CNTNAP2: variants seen among roughly 807,000 people sequenced by gnomAD.
CNTNAP2 encodes the protein contactin associated protein 2.
Under a neutral mutation model 155.2 loss-of-function variants are expected in CNTNAP2, and 98 were observed. That is an observed-to-expected ratio of 0.63 (90% CI 0.54 to 0.75). The LOEUF is 0.75. Ranked by LOEUF, CNTNAP2 falls within the 30% of genes least tolerant of loss-of-function variation. CNTNAP2 has a pLI of 0.00. For missense variants in CNTNAP2, 1,727 were observed against 1,688.1 expected, an observed-to-expected ratio of 1.02 and a Z score of -0.40; for synonymous variants, 651 against 631.2, an observed-to-expected ratio of 1.03 and a Z score of -0.47.
At chr7:146,345,922 A>G (rs538251435) in intron 1 of CNTNAP2, among the ~76,000 whole-genome samples, 1 of 152,128 alleles carries the variant, frequency 6.6e-6, no homozygotes, top group Admixed American at 6.5e-5. Flanking sequence ...CTAGTTGATG[A>G]CATCATGCAG....
chr7:147,193,662 T>A (rs1415025871), intron 8 of CNTNAP2, among the ~76,000 whole-genome samples: 1 of 152,174 alleles, frequency 6.6e-6, no homozygotes, highest in Non-Finnish European at 1.5e-5. Context: ...ACCTTAGTGT[T>A]TTGTTAGAGA....
chr7:147,878,520 T>C (rs970415518), intron 13 of CNTNAP2, among the ~76,000 whole-genome samples: 1 of 152,276 alleles, frequency 6.6e-6, no homozygotes, highest in Non-Finnish European at 1.5e-5. Context: ...TAGCAATCTT[T>C]AGGGTCTTTT....
chr7:146,947,410 C>CTCTA (rs1554413860), intron 3 of CNTNAP2, among the ~76,000 whole-genome samples: 14 of 122,668 alleles, frequency 1.1e-4, no homozygotes, highest in African/African-American at 3.2e-4. Flanking sequence ...CTCTCTCTCT[C>CTCTA]TATATATATA....
At chr7:146,199,427 G>A (rs1444321306) in intron 1 of CNTNAP2, among the ~76,000 whole-genome samples, 5 of 152,068 alleles carry the variant, frequency 3.3e-5, no homozygotes, top group Non-Finnish European at 1.5e-5. Flanking sequence ...CAGGACAGAG[G>A]AACAAATGAG....
chr7:147,367,277 T>G (rs534994628), intron 9 of CNTNAP2, among the ~76,000 whole-genome samples: 1 of 152,204 alleles, frequency 6.6e-6, no homozygotes, highest in Non-Finnish European at 1.5e-5. Flanking sequence ...GAATTCCGAG[T>G]TCTAAAATGC....
At chr7:147,468,147 T>C (rs4726868) in intron 10 of CNTNAP2, among the ~76,000 whole-genome samples, 118,204 of 151,672 alleles carry the variant, frequency 0.78, 46,406 homozygotes, top group African/African-American at 0.87. Context: ...TATAATTAGT[T>C]GGGTGTAGTG....
intron 1 of CNTNAP2, among the ~76,000 whole-genome samples, chr7:146,280,410 G>A (rs758932984): frequency 2.0e-5 from 3 of 151,328 alleles, no homozygotes; most frequent in South Asian, 4.2e-4. Context: ...CTTTTTTCAC[G>A]TCTCAAGGAA....
intron 13 of CNTNAP2, among the ~76,000 whole-genome samples, chr7:147,648,039 G>A (rs1342686899): frequency 6.6e-6 from 1 of 152,168 alleles, no homozygotes; most frequent in Non-Finnish European, 1.5e-5. Context: ...AAGAGCAGGG[G>A]TAAGTTTTCA....
intron 13 of CNTNAP2, among the ~76,000 whole-genome samples, chr7:147,707,005 CTT>C (rs751649979): frequency 1.3e-5 from 2 of 152,026 alleles, no homozygotes; most frequent in Non-Finnish European, 2.9e-5. Context: ...ATATCTATCT[CTT>C]TGGTAAATTT....
chr7:148,331,064 AGTGG>A (rs1797993377), intron 21 of CNTNAP2, among the ~76,000 whole-genome samples: 2 of 148,382 alleles, frequency 1.3e-5, no homozygotes, highest in Non-Finnish European at 1.5e-5. Flanking sequence ...GGATGGATGG[AGTGG>A]ATGGATGGAT....
At chr7:147,406,748 ATG>A (rs1476260263) in intron 10 of CNTNAP2, among the ~76,000 whole-genome samples, 2 of 152,220 alleles carry the variant, frequency 1.3e-5, no homozygotes, top group African/African-American at 4.8e-5. Context: ...GGTGAGGAGT[ATG>A]TGTGTGTTTA....
intron 15 of CNTNAP2, among the ~76,000 whole-genome samples, chr7:148,075,392 G>A (rs1409415034): frequency 7.2e-5 from 11 of 152,034 alleles, no homozygotes; most frequent in Admixed American, 5.9e-4. Context: ...AGCTGAGATC[G>A]TGCCACTGCA....
chr7:147,943,580 C>G (rs963433292), intron 14 of CNTNAP2, among the ~76,000 whole-genome samples: 3 of 151,728 alleles, frequency 2.0e-5, no homozygotes, highest in African/African-American at 7.3e-5. Flanking sequence ...ACCAGCCTGG[C>G]CAACATGGTG....
rs540641953 is a variant in CNTNAP2 at position 147,414,957 on chromosome 7, A to G, written c.1670+19177A>G. On this transcript the variant is annotated intron_variant, in intron 10 of 23. Coordinates refer to ENST00000361727, the MANE Select transcript of CNTNAP2 (RefSeq NM_014141.6). ...ACTCCTTCTCAAAAAAAAAAAAAAA[A>G]AAAAAAGAAAAGAAAAAAAAGAAAT... Among the ~76,000 whole-genome samples, 275 of 150,810 alleles carry G rather than the reference A, an allele frequency of 1.8e-3. 1 individual carries two copies. The highest frequency in any genetic ancestry group is 3.2e-3 in the Non-Finnish European group (215 of 67,558).
At chr7:147,772,458 A>C (rs1437666087) in intron 13 of CNTNAP2, among the ~76,000 whole-genome samples, 2 of 79,502 alleles carry the variant, frequency 2.5e-5, no homozygotes, top group Non-Finnish European at 5.2e-5. Context: ...ATATATATAT[A>C]TATATATATA....
intron 11 of CNTNAP2, among the ~76,000 whole-genome samples, chr7:147,500,215 C>CTTT (rs1226311796): frequency 6.6e-6 from 1 of 151,876 alleles, no homozygotes; most frequent in Admixed American, 6.6e-5. Flanking sequence ...TGCAGAAGGG[C>CTTT]TTTTCATTTA....
chr7:147,030,575 A>G (rs1488998789), intron 3 of CNTNAP2, among the ~76,000 whole-genome samples: 1 of 152,162 alleles, frequency 6.6e-6, no homozygotes. Context: ...CTTTTTCCCC[A>G]ATATCTTCTT....
intron 15 of CNTNAP2, among the ~76,000 whole-genome samples, chr7:148,000,306 G>A (rs1801873813): frequency 6.6e-6 from 1 of 152,140 alleles, no homozygotes; most frequent in African/African-American, 2.4e-5. Context: ...CCCTCCAGAG[G>A]GGAAGAAGCC....
intron 9 of CNTNAP2, among the ~76,000 whole-genome samples, chr7:147,360,916 C>T (rs1280408516): frequency 1.3e-5 from 2 of 152,102 alleles, no homozygotes; most frequent in Non-Finnish European, 2.9e-5. Context: ...TTTCCTTGAA[C>T]ATTACCAATG....
Sources: allele counts gnomAD v4.1 joint callset (sites outside exome capture counted in the v4.1 genomes callset), GRCh38; gene constraint gnomAD v4.1.1; transcripts MANE v1.5; gene names NCBI Gene and HGNC (gene_info 2026-07-23, HGNC 2026-07-21).